The following ANK3 variants were observed in gnomAD, a reference collection of about 807,000 sequenced individuals.
ANK3 encodes the protein ankyrin 3.
ANK3 carries 57 observed loss-of-function variants against 370.9 expected under a neutral mutation model. The ratio of observed to expected loss-of-function variants is 0.15; its 90% CI spans 0.12 to 0.19. The LOEUF (loss-of-function observed/expected upper bound fraction) is 0.19. Ranked by LOEUF, ANK3 falls within the 10% of genes least tolerant of loss-of-function variation. The probability of loss-of-function intolerance (pLI) is 1.00; values close to 1 mark genes in which losing one functional copy is unlikely to be tolerated. For missense variants in ANK3, 4,439 were observed against 5,302.1 expected, an observed-to-expected ratio of 0.84 and a Z score of 5.06; for synonymous variants, 1,929 against 1,946.3, an observed-to-expected ratio of 0.99 and a Z score of 0.23.
chr10:60,054,248 G>A (rs1336095539), intron 42 of ANK3, among the ~76,000 whole-genome samples: 1 of 152,086 alleles, frequency 6.6e-6, no homozygotes, highest in Non-Finnish European at 1.5e-5. Flanking sequence ...TATTTTGTGG[G>A]ATCATTTTAA....
At chr10:60,526,964 A>C (rs945518926) in intron 2 of ANK3, among the ~76,000 whole-genome samples, 10 of 152,136 alleles carry the variant, frequency 6.6e-5, no homozygotes, top group African/African-American at 2.4e-4. Flanking sequence ...GTGAATGTCC[A>C]TGTTATACAC....
Position 60,072,631 on chromosome 10 carries a change from T to A in ANK3, c.8250A>T (p.Lys2750Asn). The change falls in exon 37 of 44, where the codon AAA becomes AAT. Residue 2750 changes from lysine to asparagine, a missense_variant. Transcript: ENST00000280772. ...AGACGGGTAGCTTGCTCTCCTGTAT[T>A]TTTTTAACTGGGATTCTGGACTGGC... ...SDGQSRIPVKKIQESKLPVYQ... is the reference protein window; with the variant it reads ...SDGQSRIPVKNIQESKLPVYQ... The A allele has an allele frequency of 6.2e-7, 1 of 1,614,112 alleles. No homozygotes were observed. Among genetic ancestry groups the A allele is most frequent in the Non-Finnish European group, 8.5e-7 (1 of 1,179,998 alleles).
In ANK3 at chr10:60,072,920, G is replaced by A; in HGVS notation, c.7961C>T (p.Pro2654Leu). 2 of 1,614,082 alleles carry A rather than the reference G, an allele frequency of 1.2e-6. No homozygotes were observed. The highest frequency in any genetic ancestry group is 2.2e-5 in the South Asian group (2 of 91,076). Residue 2654 changes from proline (P) to leucine (L), a missense_variant, in exon 37 of 44, where the codon CCT becomes CTT. Around this residue, in one of 13 missense-constraint regions of ANK3, gnomAD observed 1,601 missense variants for 1,731.7 expected, o/e 0.92. Transcript: ENST00000280772. ...DEWVKARQHG[P>L]DGQGFPKAEE... The stretch of plus-strand genomic sequence containing the variant: ...GGCCTTGGGGAAGCCTTGTCCATCA[G>A]GGCCATGCTGTCTTGCCTTAACCCA...
intron 2 of ANK3, among the ~76,000 whole-genome samples, chr10:60,415,327 C>T (rs1200751169): frequency 6.6e-6 from 1 of 152,100 alleles, no homozygotes. Flanking sequence ...GAAGGAAACT[C>T]CTAAAAACTA....
chr10:60,110,094 AT>A (rs1420560641), intron 26 of ANK3, among the ~76,000 whole-genome samples: 1 of 152,168 alleles, frequency 6.6e-6, no homozygotes, highest in African/African-American at 2.4e-5. Context: ...AATTGTCGGA[AT>A]TCTTAAAGTG....
intron 7 of ANK3, among the ~76,000 whole-genome samples, chr10:60,250,547 A>G (rs1304879936): frequency 6.6e-6 from 1 of 151,936 alleles, no homozygotes; most frequent in Non-Finnish European, 1.5e-5. Flanking sequence ...TTGTATTTTT[A>G]GTAGAGACGG....
chr10:60,097,856 G>T (rs1245333811), intron 28 of ANK3, among the ~76,000 whole-genome samples: 1 of 152,178 alleles, frequency 6.6e-6, no homozygotes, highest in East Asian at 1.9e-4. Flanking sequence ...GTTTCCCAAA[G>T]GATGATTTGT....
At chr10:60,486,997 G>T (rs1320372838) in intron 2 of ANK3, among the ~76,000 whole-genome samples, 1 of 152,088 alleles carries the variant, frequency 6.6e-6, no homozygotes, top group Admixed American at 6.6e-5. Context: ...GAACTTTTAA[G>T]TTGAGGAGCC....
At chr10:60,459,069 C>A (rs2064820945) in intron 2 of ANK3, among the ~76,000 whole-genome samples, 2 of 152,028 alleles carry the variant, frequency 1.3e-5, no homozygotes, top group African/African-American at 4.8e-5. Context: ...AGTGATAGTG[C>A]ATATCCAAGA....
intron 1 of ANK3, among the ~76,000 whole-genome samples, chr10:60,646,699 C>A (rs1364480524): frequency 6.6e-6 from 1 of 152,116 alleles, no homozygotes; most frequent in Non-Finnish European, 1.5e-5. Context: ...GGAACCCCAA[C>A]ATTTAGCTCA....
At chr10:60,489,075 C>A (rs1020317584) in intron 2 of ANK3, among the ~76,000 whole-genome samples, 7 of 152,060 alleles carry the variant, frequency 4.6e-5, no homozygotes, top group Non-Finnish European at 1.0e-4. Flanking sequence ...ACTTTGGAAG[C>A]AAATGACAAT....
intron 2 of ANK3, among the ~76,000 whole-genome samples, chr10:60,529,088 T>C (rs186841146): frequency 6.6e-6 from 1 of 152,064 alleles, no homozygotes; most frequent in Non-Finnish European, 1.5e-5. Flanking sequence ...CTCACGACAG[T>C]ACCATGCCAT....
intron 2 of ANK3, among the ~76,000 whole-genome samples, chr10:60,558,505 C>A (rs1567144543): frequency 1.3e-5 from 2 of 152,182 alleles, no homozygotes; most frequent in Non-Finnish European, 2.9e-5. Context: ...AGACAACTAA[C>A]CAAGACTTTG....
Position 60,144,337 on chromosome 10 carries a change from T to G in ANK3, c.2615-5250A>C, listed in dbSNP as rs16914800. On this transcript the variant is annotated intron_variant, in intron 23 of 43. Coordinates refer to ENST00000280772, the MANE Select transcript of ANK3 (RefSeq NM_020987.5). Reference sequence around the variant, plus strand: ...TAGCTCTGTAGTGCATTAAATGATGTGCATACACAAAGCCCAGGAGCACAG... The same window carrying G: ...TAGCTCTGTAGTGCATTAAATGATGGGCATACACAAAGCCCAGGAGCACAG... 5.8e-4 allele frequency: 171 copies of G among 294,818 alleles called. 4 individuals carry two copies. The East Asian group carries it at 0.018, about 31-fold the overall frequency. The allele number at this position is 294,818 out of a possible 1,614,324, so 18.3% of individuals were successfully genotyped here. A position where few individuals can be genotyped will look rare whatever the true frequency, so the allele number is the denominator to read the frequency against.
chr10:60,444,867 C>T (rs2064401619), intron 2 of ANK3, among the ~76,000 whole-genome samples: 1 of 152,086 alleles, frequency 6.6e-6, no homozygotes, highest in South Asian at 2.1e-4. Context: ...TTTGTAGCTA[C>T]TCCTATTGAA....
chr10:60,090,841 A>C (rs2088138991), intron 28 of ANK3, among the ~76,000 whole-genome samples: 1 of 152,226 alleles, frequency 6.6e-6, no homozygotes, highest in East Asian at 1.9e-4. Context: ...TAATTTTTTA[A>C]CAGTGTAACT....
At chr10:60,214,901 G>A (rs2096912621) in intron 8 of ANK3, among the ~76,000 whole-genome samples, 1 of 152,122 alleles carries the variant, frequency 6.6e-6, no homozygotes, top group Non-Finnish European at 1.5e-5. Flanking sequence ...TGGGTCAAAT[G>A]GTATTTCTGG....
chr10:60,122,593 A>G (rs2093551625), intron 25 of ANK3, among the ~76,000 whole-genome samples: 1 of 152,220 alleles, frequency 6.6e-6, no homozygotes, highest in African/African-American at 2.4e-5. Flanking sequence ...AACTTTTTTC[A>G]GTCTTAGTTT....
intron 1 of ANK3, among the ~76,000 whole-genome samples, chr10:60,313,729 CA>C (rs1040339262): frequency 5.9e-5 from 9 of 152,112 alleles, no homozygotes; most frequent in Admixed American, 5.9e-4. Flanking sequence ...TTAGCAAAAA[CA>C]AAAAGTCCCA....
Sources: gnomAD v4.1 joint callset for allele counts (sites outside exome capture counted in the v4.1 genomes callset) on GRCh38, gnomAD v4.1.1 for gene constraint, gnomAD v4.1.1 regional missense constraint, MANE v1.5 for transcripts, NCBI Gene and HGNC (gene_info 2026-07-23, HGNC 2026-07-21) for gene names.